SLC26A1: variants seen among roughly 807,000 people sequenced by gnomAD.
The protein encoded by SLC26A1 is solute carrier family 26 member 1.
A neutral mutation model predicts 14.5 loss-of-function variants in SLC26A1; 18 were observed. The observed-to-expected ratio is 1.24, with a 90% CI of 0.86 to 1.84. SLC26A1 has a LOEUF of 1.84. Among genes scored for constraint, SLC26A1 ranks in the 40% most tolerant of loss-of-function variants. The pLI, the probability that SLC26A1 is intolerant of heterozygous loss-of-function variation, is 0.00. For missense variants in SLC26A1, 1,049 were observed against 1,020.0 expected (o/e 1.03, Z -0.39); for synonymous variants, 505 against 492.0 (o/e 1.03, Z -0.35).
chr4:981,365 A>G (rs1713536045), intron 2 of SLC26A1, among the ~76,000 whole-genome samples: 1 of 152,130 alleles, frequency 6.6e-6, no homozygotes, highest in Non-Finnish European at 1.5e-5. Flanking sequence ...TAATCCCAGC[A>G]CTTTGGGAGG....
At position 990,179 on chromosome 4, in the gene SLC26A1, G is replaced by A. The variant is rs370834972; in HGVS notation, c.760C>T (p.Arg254Cys). The A allele has an allele frequency of 1.2e-4, 183 of 1,560,282 alleles. No individual in the cohort carries two copies. Among genetic ancestry groups the A allele is most frequent in the Admixed American group, 1.5e-4 (8 of 51,798 alleles). ...CACACGTTGGCCTGCCCGGCGCCGC[G>A]CAGCAGGCTCAGCCATGTGAGGACC... ...MVVLTWLSLL[R>C]GAGQANVCDV... is the part of the protein sequence containing the mutation. Residue 254 changes from arginine (R) to cysteine (C), a missense_variant, in exon 3 of 3, where the codon CGC (arginine) becomes TGC (cysteine). Coordinates refer to ENST00000398516, the MANE Select transcript of SLC26A1 (RefSeq NM_022042.4).
chr4:979,740 TC>T (rs1342392079), intron 2 of SLC26A1, among the ~76,000 whole-genome samples: 1 of 152,234 alleles, frequency 6.6e-6, no homozygotes, highest in Non-Finnish European at 1.5e-5. Context: ...CGTGAATCCG[TC>T]CCACTGTGTG....
chr4:979,642 G>T, intron 2 of SLC26A1: 1 of 1,093,178 alleles, frequency 9.1e-7, no homozygotes, highest in East Asian at 2.4e-5. Flanking sequence ...AAGCGGAGGC[G>T]GGGTGGGAGC....
In SLC26A1 at chr4:987,777, T is replaced by G. The variant is rs765973410; in HGVS notation, c.*1056A>C. 6.2e-7 allele frequency: 1 copy of G among 1,611,192 alleles called. No individual in the cohort carries two copies. Among genetic ancestry groups the G allele is most frequent in the Non-Finnish European group, 8.5e-7 (1 of 1,179,534 alleles). ...GCCGCGCTGCCAGCCATGCTGAGGC[T>G]CGGGACTGAGCCGCCCCTTTGTTGT... On this transcript the variant is annotated 3_prime_UTR_variant, in exon 3 of 3. Coordinates refer to ENST00000398516, the MANE Select transcript of SLC26A1 (RefSeq NM_022042.4).
exon 3 of SLC26A1, chr4:979,494 C>T: frequency 6.2e-7 from 1 of 1,613,730 alleles, no homozygotes. Flanking sequence ...GCTGTTTCTA[C>T]CCCAGGACGT....
rs74907962 is a variant in SLC26A1 at position 990,546 on chromosome 4, T to C, written c.577-184A>G. 26,343 of 617,746 alleles carry C rather than the reference T, an allele frequency of 0.043. 889 individuals carry two copies. Among genetic ancestry groups the C allele is most frequent in the African/African-American group, 0.14 (7,532 of 54,298 alleles). The allele number at this position is 617,746 out of a possible 1,614,324, so 38.3% of individuals were successfully genotyped here. ...TGAGTTCTGGTTCCACGCGTGCTCA[T>C]GCCCGCAGACAACTGTGACATCCAC... On this transcript the variant is annotated intron_variant, in intron 2 of 2. Transcript: ENST00000398516.
At chr4:987,370 G>C, downstream of SLC26A1, 1 of 957,306 alleles carries the variant, frequency 1.0e-6, no homozygotes. Flanking sequence ...TCCCGGGCCC[G>C]CCCCCCGCCG....
At chr4:986,283 T>G (rs1188291848), downstream of SLC26A1, among the ~76,000 whole-genome samples, 1 of 152,218 alleles carries the variant, frequency 6.6e-6, no homozygotes, top group Non-Finnish European at 1.5e-5. Context: ...ATACATGGAC[T>G]ACACATGTAC....
At position 989,963 on chromosome 4, in the gene SLC26A1, C is replaced by T; in HGVS notation, c.976G>A (p.Gly326Ser). Reference sequence around the variant, plus strand: ...TCTGGGACCTGAGGGGGCATGAAACCCGTGGGGATGTCGCCAGCCACGCTC... The same window carrying T: ...TCTGGGACCTGAGGGGGCATGAAACTCGTGGGGATGTCGCCAGCCACGCTC... ...GSSVAGDIPT[G>S]FMPPQVPEPR... Residue 326 changes from glycine to serine, a missense_variant, in exon 3 of 3, where the codon GGT becomes AGT. Gly to Ser is a moderately conservative substitution (Grantham distance 56). Transcript: ENST00000398516. The T allele has an allele frequency of 6.4e-7, 1 of 1,556,266 alleles. No homozygotes were observed. The highest frequency in any genetic ancestry group is 1.9e-5 in the Admixed American group (1 of 51,866).
At chr4:991,077 C>G (rs1162318504) in intron 2 of SLC26A1, 51 bp downstream of exon 2, 2 of 1,499,344 alleles carry the variant, frequency 1.3e-6, no homozygotes, top group African/African-American at 2.8e-5. Flanking sequence ...TGGCCAAAAC[C>G]TAAGGGGGGG....
chr4:991,841 C>T lies in SLC26A1; in HGVS notation c.-27-111G>A, dbSNP rs777555267. 8.0e-5 allele frequency: 123 copies of T among 1,529,154 alleles called. No homozygotes were observed. In the East Asian group the frequency reaches 1.4e-3, roughly 17 times the overall value. 94.7% of individuals were successfully genotyped at this position (1,529,154 alleles called of 1,614,324 possible). On this transcript the variant is annotated intron_variant, in intron 1 of 2. Coordinates refer to ENST00000398516, the MANE Select transcript of SLC26A1 (RefSeq NM_022042.4). The stretch of plus-strand genomic sequence containing the variant: ...GGCGGACCCCTCGCCCACCCAGGGC[C>T]GGGGATTGGTGCTGGGCCTTCTCCT...
chr4:987,746 G>T lies in SLC26A1; in HGVS notation c.*1087C>A. The T allele has an allele frequency of 6.2e-7, 1 of 1,605,876 alleles. No individual in the cohort carries two copies. Among genetic ancestry groups the T allele is most frequent in the Non-Finnish European group, 8.5e-7 (1 of 1,177,290 alleles). ...CGGGCAGTCCTGGGCTTGAACGTGT[G>T]TGTCAGCCGCGCTGCCAGCCATGCT... is the stretch of plus-strand genomic sequence containing the variant. On this transcript the variant is annotated 3_prime_UTR_variant, in exon 3 of 3. Coordinates refer to ENST00000398516, the MANE Select transcript of SLC26A1 (RefSeq NM_022042.4).
chr4:981,283 G>T (rs112569683), intron 2 of SLC26A1, among the ~76,000 whole-genome samples: 35 of 152,318 alleles, frequency 2.3e-4, no homozygotes, highest in African/African-American at 8.4e-4. Context: ...TTGGGTTCTG[G>T]TGGCAACATA....
intron 2 of SLC26A1, among the ~76,000 whole-genome samples, chr4:980,157 G>A (rs1351998258): frequency 6.6e-6 from 1 of 152,192 alleles, no homozygotes; most frequent in African/African-American, 2.4e-5. Context: ...GGCAGCCCCT[G>A]GTCGGCCAGG....
chr4:989,852 A>G lies in SLC26A1; in HGVS notation c.1087T>C (p.Phe363Leu), dbSNP rs768266000. ...ACAGAGTAGCCGTGACTGCGGGCGA[A>G]CATCTCCGCCAGCGAGATGGAGAAG... ...AAFSISLAEM[F>L]ARSHGYSVRA... The change falls in exon 3 of 3, where the codon TTC becomes CTC. Residue 363 changes from phenylalanine (F) to leucine (L), a missense_variant. Physicochemically the swap from Phe to Leu is conservative, Grantham distance 22 (BLOSUM62 0). Transcript: ENST00000398516. 30 of 1,577,422 alleles carry G rather than the reference A, an allele frequency of 1.9e-5. No homozygotes were observed. The highest frequency in any genetic ancestry group is 2.6e-5 in the Non-Finnish European group (30 of 1,162,604).
intron 1 of SLC26A1, 145 bp from the exon 2 acceptor site, chr4:991,875 G>A (rs547482147): frequency 8.9e-6 from 13 of 1,459,118 alleles, no homozygotes; most frequent in African/African-American, 7.0e-5. Flanking sequence ...CTGGCAGCGC[G>A]GGCCCCAGCC....
downstream of SLC26A1, chr4:987,379 C>G (rs1285012509): frequency 1.4e-5 from 13 of 930,878 alleles, no homozygotes; most frequent in East Asian, 3.2e-5. Context: ...CGCCCCCCGC[C>G]GTGTTTGTGG....
chr4:986,716 C>T, downstream of SLC26A1: 1 of 457,230 alleles, frequency 2.2e-6, no homozygotes, highest in Non-Finnish European at 4.4e-6. Context: ...GAGATCGCGC[C>T]ACTGCACCTC....
chr4:984,910 C>A (rs1362252247), downstream of SLC26A1, among the ~76,000 whole-genome samples: 2 of 152,204 alleles, frequency 1.3e-5, no homozygotes, highest in Admixed American at 6.5e-5. Context: ...CCCCATCATG[C>A]ACTTTGTAAT....
Sources: gnomAD v4.1 joint callset for allele counts (sites outside exome capture counted in the v4.1 genomes callset) on GRCh38, gnomAD v4.1.1 for gene constraint, MANE v1.5 for transcripts, NCBI Gene and HGNC (gene_info 2026-07-23, HGNC 2026-07-21) for gene names.